Variants in MGMT observed in about 807,000 individuals in gnomAD.
The protein encoded by MGMT is O-6-methylguanine-DNA methyltransferase.
A neutral mutation model predicts 15.9 loss-of-function variants in MGMT; 14 were observed. That is an observed-to-expected ratio of 0.88 (90% CI 0.58 to 1.37). MGMT has a LOEUF of 1.37. MGMT is among the 40% of genes most tolerant of loss of function. MGMT has a pLI of 0.00. For synonymous variants in MGMT, 130 were observed against 118.2 expected, an observed-to-expected ratio of 1.10 and a Z score of -0.65; for missense variants, 282 against 268.1, an observed-to-expected ratio of 1.05 and a Z score of -0.36.
chr10:129,666,150 T>C (rs963559563), intron 2 of MGMT, among the ~76,000 whole-genome samples: 1 of 152,176 alleles, frequency 6.6e-6, no homozygotes, highest in African/African-American at 2.4e-5. Context: ...AGGTAAAGAA[T>C]ATACTGGTGT....
At chr10:129,593,985 C>G (rs1589884351) in intron 2 of MGMT, among the ~76,000 whole-genome samples, 1 of 152,306 alleles carries the variant, frequency 6.6e-6, no homozygotes, top group East Asian at 1.9e-4. Context: ...AGCTTGTGAT[C>G]CACATTATAT....
intron 2 of MGMT, among the ~76,000 whole-genome samples, chr10:129,633,899 CAAAATGTAAATG>C (rs1847237991): frequency 6.6e-6 from 1 of 152,178 alleles, no homozygotes; most frequent in Admixed American, 6.5e-5. Flanking sequence ...CAATCATAGA[CAAAATGTAAATG>C]AATTAATGCA....
intron 1 of MGMT, among the ~76,000 whole-genome samples, chr10:129,471,219 T>C (rs117447600): frequency 1.5e-4 from 23 of 152,312 alleles, no homozygotes; most frequent in Non-Finnish European, 3.4e-4. Flanking sequence ...GGTGGCAGTT[T>C]TTACTGACAA....
intron 2 of MGMT, among the ~76,000 whole-genome samples, chr10:129,553,036 G>A (rs1423430196): frequency 6.6e-6 from 1 of 152,134 alleles, no homozygotes; most frequent in African/African-American, 2.4e-5. Context: ...ATGACATAGA[G>A]CTTGGATCCA....
intron 1 of MGMT, among the ~76,000 whole-genome samples, chr10:129,499,782 A>G (rs766503728): frequency 2.6e-5 from 4 of 152,344 alleles, no homozygotes; most frequent in African/African-American, 4.8e-5. Context: ...ATACTGTACT[A>G]TGTAGAATCT....
intron 2 of MGMT, among the ~76,000 whole-genome samples, chr10:129,634,829 G>A (rs535012727): frequency 3.6e-4 from 55 of 152,110 alleles, no homozygotes; most frequent in African/African-American, 8.9e-4. Context: ...GTATTTCTTC[G>A]TAATGGATCA....
At chr10:129,727,650 C>T (rs1206850891) in intron 3 of MGMT, among the ~76,000 whole-genome samples, 1 of 152,146 alleles carries the variant, frequency 6.6e-6, no homozygotes, top group Non-Finnish European at 1.5e-5. Flanking sequence ...CTGTGAAGAC[C>T]CGCCCTCTGT....
Position 129,706,188 on chromosome 10 carries a change from G to A in MGMT, c.126-1707G>A, listed in dbSNP as rs560181702. 1.9e-3 allele frequency among the ~76,000 whole-genome samples: 282 copies of A among 152,276 alleles called. 2 individuals are homozygous for A. Among genetic ancestry groups the A allele is most frequent in the Non-Finnish European group, 6.6e-4 (45 of 68,010 alleles). On this transcript the variant is annotated intron_variant, in intron 2 of 4. Coordinates refer to ENST00000651593, the MANE Select transcript of MGMT (RefSeq NM_002412.5). ...CACCTTTCTGTGAGTCTCAGTCCCCGAGGCCTCCACTCTGCGTCTACGTTC... is the reference window on the plus strand; with the variant it reads ...CACCTTTCTGTGAGTCTCAGTCCCCAAGGCCTCCACTCTGCGTCTACGTTC...
At chr10:129,552,570 C>T (rs998689539) in intron 2 of MGMT, among the ~76,000 whole-genome samples, 9 of 152,188 alleles carry the variant, frequency 5.9e-5, no homozygotes, top group East Asian at 3.8e-4. Flanking sequence ...GTCCCTGTAC[C>T]GGTGTCAGTT....
intron 2 of MGMT, among the ~76,000 whole-genome samples, chr10:129,691,981 A>G (rs1847974383): frequency 6.6e-6 from 1 of 152,162 alleles, no homozygotes. Flanking sequence ...TCAAACTGGA[A>G]TCCAGATACT....
intron 3 of MGMT, among the ~76,000 whole-genome samples, chr10:129,755,120 C>T (rs1848790284): frequency 6.6e-6 from 1 of 152,264 alleles, no homozygotes; most frequent in South Asian, 2.1e-4. Flanking sequence ...CACGTAGCTG[C>T]TCTGTGCCTT....
intron 1 of MGMT, among the ~76,000 whole-genome samples, chr10:129,530,483 G>A (rs868796358): frequency 6.6e-6 from 1 of 152,122 alleles, no homozygotes; most frequent in African/African-American, 2.4e-5. Flanking sequence ...CTGTGTAGGG[G>A]TGCTAAGGCA....
chr10:129,729,873 C>G (rs566677657), intron 3 of MGMT, among the ~76,000 whole-genome samples: 1 of 152,326 alleles, frequency 6.6e-6, no homozygotes, highest in Admixed American at 6.5e-5. Flanking sequence ...CAAGGAGCCA[C>G]CTGGGTGGAG....
intron 2 of MGMT, among the ~76,000 whole-genome samples, chr10:129,655,206 TGGG>T (rs1201802997): frequency 6.6e-6 from 1 of 152,194 alleles, no homozygotes; most frequent in African/African-American, 2.4e-5. Flanking sequence ...GCGGAGGGCC[TGGG>T]CAGATGCAGG....
intron 2 of MGMT, among the ~76,000 whole-genome samples, chr10:129,638,755 AT>A (rs1847294051): frequency 6.6e-6 from 1 of 152,214 alleles, no homozygotes; most frequent in African/African-American, 2.4e-5. Flanking sequence ...ATAAATGTAA[AT>A]GAACTAAACT....
At chr10:129,577,266 C>T (rs1411908959) in intron 2 of MGMT, among the ~76,000 whole-genome samples, 6 of 151,716 alleles carry the variant, frequency 4.0e-5, no homozygotes, top group South Asian at 4.2e-4. Context: ...GGAGGCATCA[C>T]GCTACCTGAC....
At chr10:129,757,784 G>T (rs756782573) in intron 3 of MGMT, among the ~76,000 whole-genome samples, 1 of 152,182 alleles carries the variant, frequency 6.6e-6, no homozygotes, top group Non-Finnish European at 1.5e-5. Context: ...TAATACAACT[G>T]CATGTGCTAA....
intron 2 of MGMT, among the ~76,000 whole-genome samples, chr10:129,561,100 C>A (rs981916872): frequency 2.6e-5 from 4 of 152,136 alleles, no homozygotes; most frequent in Admixed American, 2.0e-4. Context: ...TGCCCTTTCA[C>A]CCTCTACCTG....
intron 2 of MGMT, among the ~76,000 whole-genome samples, chr10:129,703,785 G>A (rs139091684): frequency 6.6e-6 from 1 of 152,276 alleles, no homozygotes; most frequent in African/African-American, 2.4e-5. Context: ...CTCACCCAGC[G>A]CCTCAGCCCC....
Sources: gnomAD v4.1 joint callset for allele counts (sites outside exome capture counted in the v4.1 genomes callset) on GRCh38, gnomAD v4.1.1 for gene constraint, MANE v1.5 for transcripts, NCBI Gene and HGNC (gene_info 2026-07-23, HGNC 2026-07-21) for gene names.